Variants in GPLD1 observed in about 807,000 individuals in gnomAD.
GPLD1 encodes the protein phosphatidylinositol-glycan-specific phospholipase D.
Under a neutral mutation model 112.6 loss-of-function variants are expected in GPLD1, and 84 were observed. The observed-to-expected ratio is 0.75, with a 90% confidence interval of 0.63 to 0.89. GPLD1 has a LOEUF of 0.89. Ranked by LOEUF, GPLD1 falls within the 40% of genes least tolerant of loss-of-function variation. The pLI is 0.00. For missense variants in GPLD1, 1,044 were observed against 1,051.5 expected (o/e 0.99, Z 0.10); for synonymous variants, 386 against 403.8 (o/e 0.96, Z 0.53).
chr6:24,443,281 T>C (rs1313535252), intron 20 of GPLD1, among the ~76,000 whole-genome samples: 1 of 152,192 alleles, frequency 6.6e-6, no homozygotes, highest in Admixed American at 6.5e-5. Context: ...CTCCCGAGCT[T>C]CCACAGCCCT....
At position 24,446,875 on chromosome 6, in the gene GPLD1, G is replaced by A. The variant is rs1217541512; in HGVS notation, c.1783C>T (p.Leu595=). The A allele has an allele frequency of 1.2e-6, 2 of 1,613,820 alleles. No homozygotes were observed. The highest frequency in any genetic ancestry group is 1.7e-6 in the Non-Finnish European group (2 of 1,179,928). ...HGVTVDNRTL[L]LVGSPTWKNA... The stretch of plus-strand genomic sequence containing the variant: ...TTCCAGGTCGGGCTCCCAACCAACA[G>A]CAAGGTTCTGTTGTCCACAGTGACA... The change falls in exon 18 of 25, where the codon CTG becomes TTG. Residue 595 remains leucine (L), a synonymous_variant. Coordinates refer to ENST00000230036, the MANE Select transcript of GPLD1 (RefSeq NM_001503.4).
intron 22 of GPLD1, among the ~76,000 whole-genome samples, chr6:24,434,916 T>C (rs1041217068): frequency 2.0e-5 from 3 of 151,426 alleles, no homozygotes; most frequent in Admixed American, 1.3e-4. Flanking sequence ...GGGATCCTCC[T>C]GCCTCAGCCT....
At chr6:24,489,617 G>A (rs879145745), upstream of GPLD1, 13 of 1,532,794 alleles carry the variant, frequency 8.5e-6, no homozygotes, top group South Asian at 1.4e-4. Context: ...TCTCTAAGCA[G>A]GTCACTGACC....
At position 24,449,830 on chromosome 6, in the gene GPLD1, C is replaced by A. The variant is rs142854013; in HGVS notation, c.1405G>T (p.Val469Leu). 6.2e-7 allele frequency: 1 copy of A among 1,613,868 alleles called. No individual in the cohort carries two copies. Among genetic ancestry groups the A allele is most frequent in the South Asian group, 1.1e-5 (1 of 91,066 alleles). ...TCGGAGCCCACCGAGGGAGCTCCCACGGCCAGGTCAGGCACGCCGTCCACG... is the reference window on the plus strand; with the variant it reads ...TCGGAGCCCACCGAGGGAGCTCCCAAGGCCAGGTCAGGCACGCCGTCCACG... ...FNVDGVPDLA[V>L]GAPSVGSEQL... Residue 469 changes from valine (V) to leucine (L), a missense_variant, in exon 15 of 25, where the codon GTG becomes TTG. Transcript: ENST00000230036.
intron 1 of GPLD1, among the ~76,000 whole-genome samples, chr6:24,488,154 TC>T (rs1764438229): frequency 1.3e-5 from 2 of 152,162 alleles, no homozygotes; most frequent in South Asian, 4.1e-4. Flanking sequence ...ACGCCTGTAA[TC>T]CCAGCACTTT....
intron 14 of GPLD1, among the ~76,000 whole-genome samples, chr6:24,452,309 T>C (rs1044815354): frequency 6.6e-6 from 1 of 152,214 alleles, no homozygotes; most frequent in African/African-American, 2.4e-5. Context: ...CAAGATTAGA[T>C]AAATTTATTT....
intron 3 of GPLD1, 54 bp from the exon 4 acceptor site, chr6:24,476,332 A>C: frequency 1.1e-6 from 1 of 889,198 alleles, no homozygotes; most frequent in Non-Finnish European, 1.8e-6. Flanking sequence ...GGAGAGTCTC[A>C]ATCAAATCTT....
At chr6:24,444,865 A>T (rs1259541800) in intron 20 of GPLD1, among the ~76,000 whole-genome samples, 3 of 152,034 alleles carry the variant, frequency 2.0e-5, no homozygotes, top group African/African-American at 7.2e-5. Flanking sequence ...AAAATAAAAG[A>T]TAGGTCCTCA....
At chr6:24,442,419 CTAATTTTTTTTTTTTTTTTTT>C (rs1561832873) in intron 20 of GPLD1, among the ~76,000 whole-genome samples, 5 of 126,790 alleles carry the variant, frequency 3.9e-5, no homozygotes, top group African/African-American at 1.4e-4. Flanking sequence ...CCACATCTGG[CTAATTTTTTTTTTTTTTTTTT>C]TTTTTTTTTT....
At chr6:24,429,159 C>A in intron 24 of GPLD1, 41 bp from the exon 25 acceptor site, 2 of 1,290,416 alleles carry the variant, frequency 1.5e-6, no homozygotes, top group Non-Finnish European at 2.3e-6. Context: ...TCATTCATAA[C>A]ATCTATTGAG....
intron 2 of GPLD1, 22 bp downstream of exon 2, chr6:24,486,053 A>G (rs1204710045): frequency 6.8e-7 from 1 of 1,473,288 alleles, no homozygotes; most frequent in Non-Finnish European, 9.4e-7. Flanking sequence ...ACAAAGAAGA[A>G]AAGAAAAATC....
At chr6:24,453,650 T>G (rs10946701) in intron 14 of GPLD1, among the ~76,000 whole-genome samples, 2 of 151,648 alleles carry the variant, frequency 1.3e-5, no homozygotes, top group South Asian at 4.2e-4. Flanking sequence ...ATAAATAAAT[T>G]AATTAATTAA....
chr6:24,449,186 G>A (rs140202737), intron 15 of GPLD1, among the ~76,000 whole-genome samples: 1 of 152,170 alleles, frequency 6.6e-6, no homozygotes, highest in Non-Finnish European at 1.5e-5. Flanking sequence ...ATGAGTTCAG[G>A]ACGTGACAGA....
At chr6:24,450,495 C>T (rs1770910550) in intron 14 of GPLD1, among the ~76,000 whole-genome samples, 1 of 151,754 alleles carries the variant, frequency 6.6e-6, no homozygotes, top group African/African-American at 2.4e-5. Flanking sequence ...AGCGAGACTC[C>T]ATCTCAAAAA....
chr6:24,433,021 A>G (rs558603179), intron 24 of GPLD1, among the ~76,000 whole-genome samples, 166 bp downstream of exon 24: 1 of 152,328 alleles, frequency 6.6e-6, no homozygotes, highest in South Asian at 2.1e-4. Context: ...AAAAAGGGAA[A>G]CTTTCCACCA....
chr6:24,458,845 T>C (rs1037369553), intron 12 of GPLD1, among the ~76,000 whole-genome samples: 5 of 151,530 alleles, frequency 3.3e-5, no homozygotes, highest in Non-Finnish European at 5.9e-5. Context: ...ACCACTGCAC[T>C]CTAGCTCAGG....
chr6:24,486,627 A>T (rs916518069), intron 1 of GPLD1, among the ~76,000 whole-genome samples: 1 of 152,040 alleles, frequency 6.6e-6, no homozygotes, highest in African/African-American at 2.4e-5. Flanking sequence ...GACCAGCCTG[A>T]TCAACATGGA....
At chr6:24,495,206 C>A, upstream of GPLD1, 1 of 1,507,812 alleles carries the variant, frequency 6.6e-7, no homozygotes, top group Non-Finnish European at 8.8e-7. Context: ...GCCGCTGGCT[C>A]CCGGCCGCCG....
intron 7 of GPLD1, among the ~76,000 whole-genome samples, 178 bp from the exon 8 acceptor site, chr6:24,467,452 T>C: frequency 6.6e-6 from 1 of 152,206 alleles, no homozygotes; most frequent in East Asian, 1.9e-4. Context: ...TACTATCATA[T>C]TCCCGTTTTA....
Sources: allele counts gnomAD v4.1 joint callset (sites outside exome capture counted in the v4.1 genomes callset), GRCh38; gene constraint gnomAD v4.1.1; transcripts MANE v1.5; gene names NCBI Gene and HGNC (gene_info 2026-07-23, HGNC 2026-07-21).